ZNF470: variants seen among roughly 807,000 people sequenced by gnomAD.
The protein encoded by ZNF470 is zinc finger protein 470, also known as chondrogenesis zinc finger protein 1.
Under a neutral mutation model 13.9 loss-of-function variants are expected in ZNF470, and 13 were observed. The observed-to-expected ratio is 0.94, with a 90% confidence interval of 0.61 to 1.49. The LOEUF is 1.49. Ranked by LOEUF, ZNF470 falls within the 40% of genes most tolerant of loss-of-function variation. The probability of loss-of-function intolerance (pLI) is 0.00; values close to 1 mark genes in which losing one functional copy is unlikely to be tolerated. For synonymous variants in ZNF470, 293 were observed against 282.9 expected, an observed-to-expected ratio of 1.04 and a Z score of -0.36; for missense variants, 929 against 857.3, an observed-to-expected ratio of 1.08 and a Z score of -1.04.
rs758528878 is a variant in ZNF470, at chr19:56,577,554, A to G, written c.1125A>G (p.Lys375=). The change falls in exon 6 of 6, where the codon AAA becomes AAG. Residue 375 remains lysine, a synonymous_variant. Coordinates refer to ENST00000330619, the MANE Select transcript of ZNF470 (RefSeq NM_001001668.4). The stretch of plus-strand genomic sequence containing the variant: ...CTTATGAATGTATTGACTGTGGGAA[A>G]GCTTTCAGGCAGAATGCTTCTCTTA... ...KRPYECIDCG[K]AFRQNASLIR... 3.7e-6 allele frequency: 6 copies of G among 1,613,980 alleles called. No individual in the cohort carries two copies. Among genetic ancestry groups the G allele is most frequent in the Middle Eastern group, 3.3e-4 (2 of 6,082 alleles).
At chr19:56,574,993 CAT>C (rs1374414607) in intron 5 of ZNF470, among the ~76,000 whole-genome samples, 1 of 152,164 alleles carries the variant, frequency 6.6e-6, no homozygotes, top group African/African-American at 2.4e-5. Flanking sequence ...ATATTGTTGT[CAT>C]CATCCCTGAC....
Position 56,577,621 on chromosome 19 carries a change from G to A in ZNF470, c.1192G>A (p.Asp398Asn), listed in dbSNP as rs1311553069. 2 of 1,614,022 alleles carry A rather than the reference G, an allele frequency of 1.2e-6. No homozygotes were observed. Among genetic ancestry groups the A allele is most frequent in the Admixed American group, 3.3e-5 (2 of 59,978 alleles). Residue 398 changes from aspartate to asparagine, a missense_variant, in exon 6 of 6, where the codon GAC (aspartate) becomes AAC (asparagine). Coordinates refer to ENST00000330619, the MANE Select transcript of ZNF470 (RefSeq NM_001001668.4). ...RYYHTGEKPF[D>N]CIDCGKAFTD... is the part of the protein sequence containing the mutation. Reference sequence around the variant, plus strand: ...TTATCATACTGGAGAGAAACCCTTTGACTGTATTGATTGTGGGAAGGCTTT... The same window carrying A: ...TTATCATACTGGAGAGAAACCCTTTAACTGTATTGATTGTGGGAAGGCTTT...
Position 56,568,036 on chromosome 19 carries a change from C to T in ZNF470, c.-161C>T. Reference sequence around the variant, plus strand: ...GCGAAGACCATGGGGACTGAGTACACAGGTAAGAGTGACAGATGACGGATG... The same window carrying T: ...GCGAAGACCATGGGGACTGAGTACATAGGTAAGAGTGACAGATGACGGATG... On this transcript the variant is annotated splice_region_variant and 5_prime_UTR_variant, in exon 1 of 6. Coordinates refer to ENST00000330619, the MANE Select transcript of ZNF470 (RefSeq NM_001001668.4). The T allele has an allele frequency of 1.0e-6, 1 of 985,712 alleles. No homozygotes were observed. Among genetic ancestry groups the T allele is most frequent in the Non-Finnish European group, 1.2e-6 (1 of 830,128 alleles). The allele number at this position is 985,712 out of a possible 1,614,324, so 61.1% of individuals were successfully genotyped here.
chr19:56,577,591 C>G lies in ZNF470; in HGVS notation c.1162C>G (p.Arg388Gly), dbSNP rs200592589. 6.2e-7 allele frequency: 1 copy of G among 1,613,956 alleles called. No homozygotes were observed. The highest frequency in any genetic ancestry group is 1.7e-5 in the Admixed American group (1 of 59,986). ...GAATGCTTCTCTTATACGTCATCGG[C>G]GATATTATCATACTGGAGAGAAACC... ...RQNASLIRHR[R>G]YYHTGEKPFD... Residue 388 changes from arginine to glycine, a missense_variant, in exon 6 of 6, where the codon CGA becomes GGA. Transcript: ENST00000330619.
In ZNF470 at chr19:56,577,638, G is replaced by A. The variant is rs751682914; in HGVS notation, c.1209G>A (p.Gly403=). 1.2e-6 allele frequency: 2 copies of A among 1,613,914 alleles called. No homozygotes were observed. Among genetic ancestry groups the A allele is most frequent in the Admixed American group, 1.7e-5 (1 of 59,980 alleles). The part of the protein sequence containing the change: ...GEKPFDCIDC[G]KAFTDHIGLI... ...AACCCTTTGACTGTATTGATTGTGG[G>A]AAGGCTTTCACTGATCACATAGGAC... Residue 403 remains glycine (G), a synonymous_variant, in exon 6 of 6, where the codon GGG becomes GGA. Coordinates refer to ENST00000330619, the MANE Select transcript of ZNF470 (RefSeq NM_001001668.4).
At position 56,579,327 on chromosome 19, in the gene ZNF470, C is replaced by A; in HGVS notation, c.*744C>A. 1 of 648,304 alleles carries A rather than the reference C, an allele frequency of 1.5e-6. No homozygotes were observed. Among genetic ancestry groups the A allele is most frequent in the Non-Finnish European group, 1.9e-6 (1 of 522,884 alleles). 40.2% of individuals were successfully genotyped at this position (648,304 alleles called of 1,614,324 possible). Reference sequence around the variant, plus strand: ...GTCCTAGCTACTCAGGAGGCTGAAGCAGGAGGATTGCTTGAGCCCAGGAGG... The same window carrying A: ...GTCCTAGCTACTCAGGAGGCTGAAGAAGGAGGATTGCTTGAGCCCAGGAGG... On this transcript the variant is annotated 3_prime_UTR_variant, in exon 6 of 6. Transcript: ENST00000330619.
At chr19:56,575,838 T>C (rs2044484837) in intron 5 of ZNF470, among the ~76,000 whole-genome samples, 1 of 151,978 alleles carries the variant, frequency 6.6e-6, no homozygotes, top group South Asian at 2.1e-4. Context: ...TGTACATTAA[T>C]AAATAAGAAA....
At chr19:56,575,581 T>C (rs1187532649) in intron 5 of ZNF470, among the ~76,000 whole-genome samples, 1 of 152,118 alleles carries the variant, frequency 6.6e-6, no homozygotes, top group African/African-American at 2.4e-5. Flanking sequence ...CCTGGTTTAA[T>C]CTGTGGCCTG....
Position 56,579,417 on chromosome 19 carries a change from GTC to G in ZNF470, c.*837_*838del. On this transcript the variant is annotated 3_prime_UTR_variant, in exon 6 of 6. Transcript: ENST00000330619. ...CAGCTGGGCAGCAGAGCCAGACACT[GTC>G]TCAAGGAAAAACAAAGAACAAAAGC... The G allele has an allele frequency of 1.0e-6, 1 of 983,826 alleles. No individual in the cohort carries two copies. The allele number at this position is 983,826 out of a possible 1,614,324, so 60.9% of individuals were successfully genotyped here. A position where few individuals can be genotyped will look rare whatever the true frequency, so the allele number is the denominator to read the frequency against.
rs4801177 is a variant in ZNF470 at position 56,577,682 on chromosome 19, C to T, written c.1253C>T (p.Thr418Ile). The change falls in exon 6 of 6, where the codon ACT becomes ATT. Residue 418 changes from threonine to isoleucine, a missense_variant. Physicochemically the swap from Thr to Ile is moderately conservative, Grantham distance 89 (BLOSUM62 -1). Transcript: ENST00000330619. ...ATAGGACTTATTCAGCATAAGAGAA[C>T]TCATACTGGAGAGAGACCTTACAAA... Reference protein sequence around the residue: ...DHIGLIQHKRTHTGERPYKCN... With the variant: ...DHIGLIQHKRIHTGERPYKCN... 0.74 allele frequency: 1,188,889 copies of T among 1,613,446 alleles called. 440,770 individuals carry two copies. Among genetic ancestry groups the T allele is most frequent in the African/African-American group, 0.94 (70,340 of 75,004 alleles).
intron 5 of ZNF470, among the ~76,000 whole-genome samples, chr19:56,575,162 T>G (rs1247924568): frequency 6.6e-6 from 1 of 152,170 alleles, no homozygotes; most frequent in African/African-American, 2.4e-5. Context: ...CTTGTGTTAT[T>G]TATTCTTGTT....
rs1269264466 is a variant in ZNF470 at position 56,567,888 on chromosome 19, CAA to C, written c.-307_-306del. 2.0e-6 allele frequency: 2 copies of C among 985,492 alleles called. No homozygotes were observed. Among genetic ancestry groups the C allele is most frequent in the African/African-American group, 3.5e-5 (2 of 57,234 alleles). 61.0% of individuals were successfully genotyped at this position (985,492 alleles called of 1,614,324 possible). ...TCGACTGCGTAGAGCCCAGTGTGGG[CAA>C]AGTCCTAGAGCCCGGGGAAGTTGCC... On this transcript the variant is annotated 5_prime_UTR_variant, in exon 1 of 6. Transcript: ENST00000330619.
At position 56,582,579 on chromosome 19, in the gene ZNF470, C is replaced by G. The variant is rs938090159; in HGVS notation, c.*3996C>G. ...ACCAAATGCTGGCCTCTACCACCAC[C>G]AAATTTACTTGTTGAAGTCCTAAAC... On this transcript the variant is annotated 3_prime_UTR_variant, in exon 6 of 6. Coordinates refer to ENST00000330619, the MANE Select transcript of ZNF470 (RefSeq NM_001001668.4). The G allele has an allele frequency of 8.1e-6, 8 of 985,184 alleles. No individual in the cohort carries two copies. Among genetic ancestry groups the G allele is most frequent in the Non-Finnish European group, 9.6e-6 (8 of 829,850 alleles). The allele number at this position is 985,184 out of a possible 1,614,324, so 61.0% of individuals were successfully genotyped here.
rs1436607791 is a variant in ZNF470 at position 56,578,437 on chromosome 19, A to T, written c.2008A>T (p.Ile670Phe). The T allele has an allele frequency of 6.2e-7, 1 of 1,612,546 alleles. No homozygotes were observed. Among genetic ancestry groups the T allele is most frequent in the African/African-American group, 1.3e-5 (1 of 74,884 alleles). ...QVAHLTLHKR[I>F]HTGERPYECK... ...TGCCCATCTTACTCTACATAAGAGA[A>T]TTCATACTGGAGAAAGGCCCTATGA... is the stretch of plus-strand genomic sequence containing the variant. Residue 670 changes from isoleucine (I) to phenylalanine (F), a missense_variant, in exon 6 of 6, where the codon ATT becomes TTT. Physicochemically the swap from Ile to Phe is conservative, Grantham distance 21 (BLOSUM62 0). Coordinates refer to ENST00000330619, the MANE Select transcript of ZNF470 (RefSeq NM_001001668.4).
In ZNF470 at chr19:56,581,568, GA is replaced by G. The variant is rs1008407233; in HGVS notation, c.*2993del. On this transcript the variant is annotated 3_prime_UTR_variant, in exon 6 of 6. Coordinates refer to ENST00000330619, the MANE Select transcript of ZNF470 (RefSeq NM_001001668.4). ...ATTCAATAGGAATTATGCAGCTGTTGAAAAAAAATCAATGTGTGTAGTCATA... is the reference window on the plus strand; with the variant it reads ...ATTCAATAGGAATTATGCAGCTGTTGAAAAAAATCAATGTGTGTAGTCATA... 5 of 788,738 alleles carry G rather than the reference GA, an allele frequency of 6.3e-6. No homozygotes were observed. Among genetic ancestry groups the G allele is most frequent in the Admixed American group, 6.3e-5 (1 of 15,972 alleles). The allele number at this position is 788,738 out of a possible 1,614,324, so 48.9% of individuals were successfully genotyped here. A position where few individuals can be genotyped will look rare whatever the true frequency, so the allele number is the denominator to read the frequency against.
Position 56,578,449 on chromosome 19 carries a change from G to T in ZNF470, c.2020G>T (p.Glu674Ter), listed in dbSNP as rs2044510150. 6.2e-7 allele frequency: 1 copy of T among 1,612,836 alleles called. No individual in the cohort carries two copies. Among genetic ancestry groups the T allele is most frequent in the Admixed American group, 1.7e-5 (1 of 59,856 alleles). ...TCTACATAAGAGAATTCATACTGGA[G>T]AAAGGCCCTATGAGTGTAAAGAATG... is the stretch of plus-strand genomic sequence containing the variant. ...LTLHKRIHTG[E>*]RPYECKECGK... Residue 674 changes from glutamate (E) to a stop codon, truncating the protein, a stop_gained, in exon 6 of 6, where the codon GAA (glutamate) becomes TAA (stop). Transcript: ENST00000330619. LOFTEE classifies it low-confidence loss of function (END_TRUNC).
In ZNF470 at chr19:56,574,518, TG is replaced by T; in HGVS notation, c.187+1del. The T allele has an allele frequency of 6.2e-7, 1 of 1,613,726 alleles. No individual in the cohort carries two copies. The highest frequency in any genetic ancestry group is 2.2e-5 in the East Asian group (1 of 44,874). Reference sequence around the variant, plus strand: ...GAAAACTACAGGAACCTAGTTTCAGTGGGTAAGAGTATCTTCCTCCTGTTGC... The same window carrying T: ...GAAAACTACAGGAACCTAGTTTCAGTGGTAAGAGTATCTTCCTCCTGTTGC... ...MLENYRNLVS[V>X]GLCISKPDVI... On this transcript the variant is annotated frameshift_variant and splice_region_variant, in exon 4 of 6. Transcript: ENST00000330619. LOFTEE classifies it high-confidence loss of function.
Position 56,582,105 on chromosome 19 carries a change from G to A in ZNF470, c.*3522G>A. 4.1e-6 allele frequency: 4 copies of A among 985,316 alleles called. No homozygotes were observed. Among genetic ancestry groups the A allele is most frequent in the Non-Finnish European group, 4.8e-6 (4 of 829,904 alleles). 61.0% of individuals were successfully genotyped at this position (985,316 alleles called of 1,614,324 possible). Reference sequence around the variant, plus strand: ...AATCAGGTATTGGGAGTTGCTTTTTGGATGAGATGGGGCGAATAAGACTTA... The same window carrying A: ...AATCAGGTATTGGGAGTTGCTTTTTAGATGAGATGGGGCGAATAAGACTTA... On this transcript the variant is annotated 3_prime_UTR_variant, in exon 6 of 6. Transcript: ENST00000330619.
rs2044502110 is a variant in ZNF470, at chr19:56,577,763, G to A, written c.1334G>A (p.Arg445Lys). ...SHGSSLTVHQRIHTGEKPYEC... is the reference protein window; with the variant it reads ...SHGSSLTVHQKIHTGEKPYEC... ...GGCTCATCTCTGACAGTACATCAGAGAATTCATACAGGAGAGAAACCTTAT... is the reference window on the plus strand; with the variant it reads ...GGCTCATCTCTGACAGTACATCAGAAAATTCATACAGGAGAGAAACCTTAT... Residue 445 changes from arginine (R) to lysine (K), a missense_variant, in exon 6 of 6, where the codon AGA (arginine) becomes AAA (lysine). Coordinates refer to ENST00000330619, the MANE Select transcript of ZNF470 (RefSeq NM_001001668.4). 1.2e-6 allele frequency: 2 copies of A among 1,613,846 alleles called. No individual in the cohort carries two copies. The highest frequency in any genetic ancestry group is 1.7e-6 in the Non-Finnish European group (2 of 1,179,978).
Sources: allele counts gnomAD v4.1 joint callset (sites outside exome capture counted in the v4.1 genomes callset), GRCh38; gene constraint gnomAD v4.1.1; transcripts MANE v1.5; gene names NCBI Gene and HGNC (gene_info 2026-07-23, HGNC 2026-07-21).